The following COP1 variants were observed in gnomAD, a reference collection of about 807,000 sequenced individuals.
COP1 encodes the protein E3 ubiquitin-protein ligase COP1.
COP1 carries 24 observed loss-of-function variants against 101.3 expected under a neutral mutation model. The observed-to-expected ratio is 0.24, with a 90% confidence interval of 0.17 to 0.33. COP1 has a LOEUF of 0.33. Ranked by LOEUF, COP1 falls within the 10% of genes least tolerant of loss-of-function variation. The probability of loss-of-function intolerance (pLI) is 1.00; values close to 1 mark genes in which losing one functional copy is unlikely to be tolerated. For missense variants in COP1, 663 were observed against 906.2 expected (o/e 0.73, Z 3.45); for synonymous variants, 347 against 341.9 (o/e 1.01, Z -0.17).
chr1:176,128,787 T>A (rs545747557), intron 8 of COP1, among the ~76,000 whole-genome samples: 4 of 152,008 alleles, frequency 2.6e-5, no homozygotes, highest in East Asian at 3.9e-4. Flanking sequence ...TTAAAAAAAA[T>A]TTCCAAATAA....
rs191788323 is a variant in COP1 at position 175,972,543 on chromosome 1, C to T, written c.2133+14400G>A. Among the ~76,000 whole-genome samples, 381 of 149,544 alleles carry T rather than the reference C, an allele frequency of 2.5e-3. 3 individuals carry two copies. Among genetic ancestry groups the T allele is most frequent in the African/African-American group, 9.0e-3 (363 of 40,324 alleles). On this transcript the variant is annotated intron_variant, in intron 18 of 19. Transcript: ENST00000367669. ...GCAGTGGTGTGATCTCGGCTCACTG[C>T]AACTGCCACCTCCCGGGTTCAAGCG... is the stretch of plus-strand genomic sequence containing the variant.
At chr1:175,981,149 G>T (rs909229460) in intron 18 of COP1, among the ~76,000 whole-genome samples, 1 of 151,916 alleles carries the variant, frequency 6.6e-6, no homozygotes, top group Non-Finnish European at 1.5e-5. Context: ...ATCCTCTAAG[G>T]TTTTCTTTAG....
chr1:176,163,948 C>A, intron 3 of COP1, 57 bp from the exon 4 acceptor site: 1 of 1,185,110 alleles, frequency 8.4e-7, no homozygotes, highest in South Asian at 1.3e-5. Context: ...TTAAATGTAT[C>A]ATGTAATTCT....
At chr1:176,035,265 T>TA (rs200366580) in intron 14 of COP1, among the ~76,000 whole-genome samples, 9,993 of 151,288 alleles carry the variant, frequency 0.066, 410 homozygotes, top group Middle Eastern at 0.12. Context: ...ATTTTTTTTT[T>TA]AAAAAGAATC....
At chr1:176,202,914 G>A (rs1008475082) in intron 1 of COP1, among the ~76,000 whole-genome samples, 5 of 152,012 alleles carry the variant, frequency 3.3e-5, no homozygotes, top group African/African-American at 1.2e-4. Context: ...GCCATTCTTC[G>A]AATTAAATCA....
chr1:176,103,477 G>A (rs1683776794), intron 9 of COP1, among the ~76,000 whole-genome samples: 1 of 152,100 alleles, frequency 6.6e-6, no homozygotes, highest in Non-Finnish European at 1.5e-5. Context: ...GCCCAGAGAG[G>A]GCATGGAAGC....
intron 14 of COP1, among the ~76,000 whole-genome samples, chr1:176,037,563 CA>C (rs907485341): frequency 1.3e-5 from 2 of 148,750 alleles, no homozygotes; most frequent in East Asian, 4.0e-4. Context: ...AACAAACAAA[CA>C]AAAAAACCTC....
intron 11 of COP1, among the ~76,000 whole-genome samples, chr1:176,050,042 T>G (rs1672267161): frequency 6.6e-6 from 1 of 152,182 alleles, no homozygotes; most frequent in South Asian, 2.1e-4. Context: ...AAACAAGAGA[T>G]TTATAAAAAT....
intron 18 of COP1, among the ~76,000 whole-genome samples, chr1:175,955,491 A>T (rs1461052042): frequency 2.0e-5 from 3 of 152,176 alleles, no homozygotes; most frequent in Non-Finnish European, 4.4e-5. Flanking sequence ...GGTACAACCC[A>T]GTGCGACAGT....
chr1:175,977,728 C>T (rs1460404984), intron 18 of COP1, among the ~76,000 whole-genome samples: 3 of 152,016 alleles, frequency 2.0e-5, no homozygotes, highest in Non-Finnish European at 4.4e-5. Flanking sequence ...AACCTTTTTT[C>T]TTAAGCAACT....
chr1:176,062,196 G>A (rs1674986227), intron 11 of COP1, among the ~76,000 whole-genome samples: 1 of 151,994 alleles, frequency 6.6e-6, no homozygotes, highest in African/African-American at 2.4e-5. Context: ...TAGAGATGGG[G>A]TTTCACCATG....
chr1:176,089,226 G>T (rs1242839414), intron 9 of COP1, among the ~76,000 whole-genome samples: 1 of 151,982 alleles, frequency 6.6e-6, no homozygotes, highest in Non-Finnish European at 1.5e-5. Flanking sequence ...CAGGGCTGCA[G>T]GGGCTGCACT....
At chr1:175,979,840 T>C (rs1655388768) in intron 18 of COP1, among the ~76,000 whole-genome samples, 2 of 152,178 alleles carry the variant, frequency 1.3e-5, no homozygotes, top group Admixed American at 6.5e-5. Flanking sequence ...AGCATTTCTT[T>C]GATTCCAATT....
At chr1:176,139,288 C>CAAAAAAAAAAA (rs563184945) in intron 6 of COP1, among the ~76,000 whole-genome samples, 1 of 108,380 alleles carries the variant, frequency 9.2e-6, no homozygotes, top group African/African-American at 3.2e-5. Flanking sequence ...ACAAAAAAAA[C>CAAAAAAAAAAA]AAAAAAAAAA....
At chr1:175,992,559 C>T (rs1033255371) in intron 15 of COP1, among the ~76,000 whole-genome samples, 28 of 152,186 alleles carry the variant, frequency 1.8e-4, no homozygotes, top group African/African-American at 6.5e-4. Context: ...TGCGCTTTAC[C>T]GACAGGCTTA....
At position 176,206,862 on chromosome 1, in the gene COP1, G is replaced by A; in HGVS notation, c.117C>T (p.Ser39=). The A allele has an allele frequency of 1.4e-6, 2 of 1,437,698 alleles. No homozygotes were observed. Among genetic ancestry groups the A allele is most frequent in the Non-Finnish European group, 1.8e-6 (2 of 1,100,262 alleles). The allele number at this position is 1,437,698 out of a possible 1,614,324, so 89.1% of individuals were successfully genotyped here. The part of the protein sequence containing the change: ...SSLSSSPSPP[S]VAVSAAALVS... ...CCAGCGCTGCCGCCGAAACCGCCACGGAAGGCGGCGACGGGGAAGAGGATA... is the reference window on the plus strand; with the variant it reads ...CCAGCGCTGCCGCCGAAACCGCCACAGAAGGCGGCGACGGGGAAGAGGATA... The change falls in exon 1 of 20, where the codon TCC becomes TCT. Residue 39 remains serine (S), a synonymous_variant. Transcript: ENST00000367669.
chr1:176,025,384 TTAATGTAAAAAATTTATAAG>T (rs1319919356), intron 15 of COP1, among the ~76,000 whole-genome samples: 1 of 151,306 alleles, frequency 6.6e-6, no homozygotes, highest in Non-Finnish European at 1.5e-5. Context: ...GCTACTAGAC[TTAATGTAAAAAATTTATAAG>T]GTCCCAAGAT....
chr1:176,043,608 A>T (rs1671017634), intron 13 of COP1, 102 bp downstream of exon 13: 1 of 746,296 alleles, frequency 1.3e-6, no homozygotes, highest in Non-Finnish European at 2.3e-6. Flanking sequence ...AAAATACTAA[A>T]TAGTGACTTC....
intron 6 of COP1, among the ~76,000 whole-genome samples, chr1:176,146,540 TGTAGTG>T (rs1691610156): frequency 6.6e-6 from 1 of 152,250 alleles, no homozygotes; most frequent in Admixed American, 6.5e-5. Flanking sequence ...CCAGCTGCCA[TGTAGTG>T]AGCTATCCTA....
Sources: gnomAD v4.1 joint callset for allele counts (sites outside exome capture counted in the v4.1 genomes callset) on GRCh38, gnomAD v4.1.1 for gene constraint, MANE v1.5 for transcripts, NCBI Gene and HGNC (gene_info 2026-07-23, HGNC 2026-07-21) for gene names.